The following SLC7A5 variants were observed in gnomAD, a reference collection of about 807,000 sequenced individuals.
The protein encoded by SLC7A5 is solute carrier family 7 member 5.
In SLC7A5, 23 loss-of-function variants were observed where a neutral mutation model predicts 50.2. The ratio of observed to expected loss-of-function variants is 0.46; its 90% CI spans 0.33 to 0.65. The LOEUF is 0.65. Among genes scored for constraint, SLC7A5 ranks in the 30% least tolerant of loss-of-function variants. The pLI, the probability that SLC7A5 is intolerant of heterozygous loss-of-function variation, is 0.02. For missense variants in SLC7A5, 578 were observed against 684.4 expected, an observed-to-expected ratio of 0.84 and a Z score of 1.73; for synonymous variants, 393 against 330.6, an observed-to-expected ratio of 1.19 and a Z score of -2.05.
At chr16:87,835,268 G>A (rs1438726147) in intron 8 of SLC7A5, among the ~76,000 whole-genome samples, 1 of 152,200 alleles carries the variant, frequency 6.6e-6, no homozygotes, top group African/African-American at 2.4e-5. Context: ...ACGCCAACCC[G>A]TGCCCAGGCT....
chr16:87,842,228 G>T (rs2055090681), intron 2 of SLC7A5, among the ~76,000 whole-genome samples: 1 of 152,184 alleles, frequency 6.6e-6, no homozygotes, highest in Non-Finnish European at 1.5e-5. Flanking sequence ...GTTCATTAGA[G>T]AACCGTGTGT....
chr16:87,863,986 AATATATATATAT>A (rs58063420), intron 1 of SLC7A5, among the ~76,000 whole-genome samples: 1 of 83,278 alleles, frequency 1.2e-5, no homozygotes. Flanking sequence ...ATCATTTAAA[AATATATATATAT>A]ATATATATAT....
Position 87,853,859 on chromosome 16 carries a change from A to T in SLC7A5, c.539-2010T>A, listed in dbSNP as rs2055272461. On this transcript the variant is annotated intron_variant, in intron 1 of 9. Transcript: ENST00000261622. This position sits in a 1 kb window ranked among gnomAD's most constrained non-coding sequence, Gnocchi z 4.4. Reference sequence around the variant, plus strand: ...GCACGCTGCCACCACTGAACTCCAGACACCAGACAGGCGCTGCGGAGACAC... The same window carrying T: ...GCACGCTGCCACCACTGAACTCCAGTCACCAGACAGGCGCTGCGGAGACAC... The T allele has an allele frequency of 1.3e-5, 2 of 152,102 alleles. No individual in the cohort carries two copies. The highest frequency in any genetic ancestry group is 4.1e-4 in the South Asian group (2 of 4,824). The allele number at this position is 152,102 out of a possible 1,614,324, so 9.4% of individuals were successfully genotyped here.
rs1367531950 is a variant in SLC7A5 at position 87,861,778 on chromosome 16, G to T, written c.538+7107C>A. On this transcript the variant is annotated intron_variant, in intron 1 of 9. Transcript: ENST00000261622. This position sits in a 1 kb window ranked among gnomAD's most constrained non-coding sequence, Gnocchi z 4.2. The stretch of plus-strand genomic sequence containing the variant: ...GAGGTCTGTGACCCAAGAAAAAAGG[G>T]TCACAAGTGCCCGTTAGGCTCTCCT... Among the ~76,000 whole-genome samples the T allele has an allele frequency of 6.6e-6, 1 of 152,240 alleles. No homozygotes were observed. The highest frequency in any genetic ancestry group is 2.4e-5 in the African/African-American group (1 of 41,456).
At position 87,838,909 on chromosome 16, in the gene SLC7A5, C is replaced by T. The variant is rs113921088; in HGVS notation, c.940-92G>A. 2.7e-5 allele frequency: 25 copies of T among 929,968 alleles called. No individual in the cohort carries two copies. In the African/African-American group the frequency reaches 2.9e-4, roughly 11 times the overall value. 57.6% of individuals were successfully genotyped at this position (929,968 alleles called of 1,614,324 possible). On this transcript the variant is annotated intron_variant, in intron 5 of 9. Coordinates refer to ENST00000261622, the MANE Select transcript of SLC7A5 (RefSeq NM_003486.7). Reference sequence around the variant, plus strand: ...GAGCCCTCTGCACCGGGCCAGCCCTCGCCCTCTGTGCTCACAAGAGCCCTC... The same window carrying T: ...GAGCCCTCTGCACCGGGCCAGCCCTTGCCCTCTGTGCTCACAAGAGCCCTC...
intron 1 of SLC7A5, among the ~76,000 whole-genome samples, chr16:87,866,141 G>T (rs2055458033): frequency 6.6e-6 from 1 of 152,138 alleles, no homozygotes. Flanking sequence ...TGCCGACACA[G>T]GGAAGTCTTC....
chr16:87,856,671 C>A (rs1460014064), intron 1 of SLC7A5, among the ~76,000 whole-genome samples: 4 of 152,224 alleles, frequency 2.6e-5, no homozygotes, highest in South Asian at 2.1e-4. Context: ...CGCACAGGGC[C>A]CCGAACTTGG....
intron 2 of SLC7A5, among the ~76,000 whole-genome samples, chr16:87,845,964 C>A (rs1454505791): frequency 6.6e-6 from 1 of 152,246 alleles, no homozygotes; most frequent in Non-Finnish European, 1.5e-5. Context: ...AGCCTGTCAT[C>A]CTCCCGAGGC....
chr16:87,852,469 G>A lies in SLC7A5; in HGVS notation c.539-620C>T, dbSNP rs573128650. The stretch of plus-strand genomic sequence containing the variant: ...CTGCCCTGCTGCTTTGGGGGCATAC[G>A]ATGAAACCCAAAATAGCACCGTGTG... On this transcript the variant is annotated intron_variant, in intron 1 of 9. Coordinates refer to ENST00000261622, the MANE Select transcript of SLC7A5 (RefSeq NM_003486.7). This position sits in a 1 kb window ranked among gnomAD's most constrained non-coding sequence, Gnocchi z 4.5. 4.6e-5 allele frequency among the ~76,000 whole-genome samples: 7 copies of A among 152,276 alleles called. No individual in the cohort carries two copies. The East Asian group carries it at 9.7e-4, about 21-fold the overall frequency.
At chr16:87,839,921 C>A in intron 4 of SLC7A5, 96 bp from the exon 5 acceptor site, 1 of 1,527,596 alleles carries the variant, frequency 6.5e-7, no homozygotes. Flanking sequence ...CAAGCAGTAG[C>A]TCCAGCCTCT....
In SLC7A5 at chr16:87,859,997, T is replaced by C. The variant is rs988923730; in HGVS notation, c.539-8148A>G. Among the ~76,000 whole-genome samples the C allele has an allele frequency of 3.9e-5, 6 of 151,970 alleles. No homozygotes were observed. In the East Asian group the frequency reaches 7.7e-4, roughly 20 times the overall value. On this transcript the variant is annotated intron_variant, in intron 1 of 9. Coordinates refer to ENST00000261622, the MANE Select transcript of SLC7A5 (RefSeq NM_003486.7). Reference sequence around the variant, plus strand: ...TTACCCAGATACTCCTTTCTATTGATACCAGGTCTTTAGCTAATAACTCTT... The same window carrying C: ...TTACCCAGATACTCCTTTCTATTGACACCAGGTCTTTAGCTAATAACTCTT...
chr16:87,834,383 A>G (rs753265950), intron 9 of SLC7A5, 31 bp downstream of exon 9: 118 of 1,548,848 alleles, frequency 7.6e-5, no homozygotes, highest in Non-Finnish European at 1.0e-4. Context: ...GGCAGAGGGT[A>G]CCACGGGCTG....
At chr16:87,843,090 C>T (rs1447526236) in intron 2 of SLC7A5, among the ~76,000 whole-genome samples, 2 of 152,104 alleles carry the variant, frequency 1.3e-5, no homozygotes, top group South Asian at 2.1e-4. Flanking sequence ...TGAAGGTGAG[C>T]CCTGGAGGCC....
chr16:87,869,485 C>T lies in SLC7A5; in HGVS notation c.-63G>A. The T allele has an allele frequency of 5.3e-6, 6 of 1,133,078 alleles. No homozygotes were observed. Among genetic ancestry groups the T allele is most frequent in the Non-Finnish European group, 6.5e-6 (6 of 920,346 alleles). The allele number at this position is 1,133,078 out of a possible 1,614,324, so 70.2% of individuals were successfully genotyped here. On this transcript the variant is annotated 5_prime_UTR_variant, in exon 1 of 10. Transcript: ENST00000261622. Reference sequence around the variant, plus strand: ...CGCGGCCCAGCGAGCAGTGTGCGCGCCGCCCGCCGCCCGCAGCTGCGTCAG... The same window carrying T: ...CGCGGCCCAGCGAGCAGTGTGCGCGTCGCCCGCCGCCCGCAGCTGCGTCAG...
chr16:87,830,394 A>G lies in SLC7A5; in HGVS notation c.*2576T>C, dbSNP rs2054921883. On this transcript the variant is annotated 3_prime_UTR_variant, in exon 10 of 10. Coordinates refer to ENST00000261622, the MANE Select transcript of SLC7A5 (RefSeq NM_003486.7). Reference sequence around the variant, plus strand: ...GCTTGTTGTGGTGGGTTGTGCTTGAAAACACCTGAAGCCCACAAGTGGAAA... The same window carrying G: ...GCTTGTTGTGGTGGGTTGTGCTTGAGAACACCTGAAGCCCACAAGTGGAAA... The G allele has an allele frequency of 3.9e-5, 6 of 152,282 alleles. No homozygotes were observed. Among genetic ancestry groups the G allele is most frequent in the Admixed American group, 3.9e-4 (6 of 15,286 alleles). 9.4% of individuals were successfully genotyped at this position (152,282 alleles called of 1,614,324 possible).
chr16:87,853,112 C>T lies in SLC7A5; in HGVS notation c.539-1263G>A, dbSNP rs1054011417. ...GAAAGGCCGTGGGCTCCTCTTCTCTCTTTCCCCTTGGGAGTAACGCTCAGA... is the reference window on the plus strand; with the variant it reads ...GAAAGGCCGTGGGCTCCTCTTCTCTTTTTCCCCTTGGGAGTAACGCTCAGA... On this transcript the variant is annotated intron_variant, in intron 1 of 9. Transcript: ENST00000261622. This position sits in a 1 kb window ranked among gnomAD's most constrained non-coding sequence, Gnocchi z 4.4. Among the ~76,000 whole-genome samples the T allele has an allele frequency of 3.3e-5, 5 of 152,248 alleles. No homozygotes were observed. Among genetic ancestry groups the T allele is most frequent in the African/African-American group, 1.2e-4 (5 of 41,466 alleles).
intron 1 of SLC7A5, 113 bp downstream of exon 1, chr16:87,868,772 T>C: frequency 8.8e-7 from 1 of 1,130,026 alleles, no homozygotes; most frequent in Non-Finnish European, 1.3e-6. Flanking sequence ...ACTGCCGGGA[T>C]GGTCCAGGAA....
At chr16:87,856,160 C>A (rs1032739198) in intron 1 of SLC7A5, among the ~76,000 whole-genome samples, 3 of 152,220 alleles carry the variant, frequency 2.0e-5, no homozygotes, top group Admixed American at 1.3e-4. Context: ...TCAGACCCAA[C>A]AGAAACAGAA....
At chr16:87,848,739 C>T (rs949847508) in intron 2 of SLC7A5, among the ~76,000 whole-genome samples, 7 of 152,224 alleles carry the variant, frequency 4.6e-5, no homozygotes, top group Non-Finnish European at 7.3e-5. Flanking sequence ...CGCTTATTCC[C>T]CACTGCGACT....
Sources: allele counts gnomAD v4.1 joint callset (sites outside exome capture counted in the v4.1 genomes callset), GRCh38; gene constraint gnomAD v4.1.1; non-coding constraint Gnocchi (gnomAD v3.1); transcripts MANE v1.5; gene names NCBI Gene and HGNC (gene_info 2026-07-23, HGNC 2026-07-21).